The following PTTG1 variants were observed in gnomAD, a reference collection of about 807,000 sequenced individuals.
The protein encoded by PTTG1 is securin.
PTTG1 carries 8 observed loss-of-function variants against 20.0 expected under a neutral mutation model. The observed-to-expected ratio is 0.40, with a 90% CI of 0.23 to 0.72. The LOEUF is 0.72. PTTG1 is among the 30% of genes least tolerant of loss of function. The probability of loss-of-function intolerance (pLI) is 0.38; values close to 1 mark genes in which losing one functional copy is unlikely to be tolerated. For synonymous variants in PTTG1, 79 were observed against 87.2 expected (o/e 0.91, Z 0.52); for missense variants, 197 against 236.0 (o/e 0.83, Z 1.08).
Position 160,422,395 on chromosome 5 carries a change from C to T in PTTG1, c.83C>T (p.Ser28Phe). The change falls in exon 2 of 6, where the codon TCT (serine) becomes TTT (phenylalanine). Residue 28 changes from serine (S) to phenylalanine (F), a missense_variant. Coordinates refer to ENST00000352433, the MANE Select transcript of PTTG1 (RefSeq NM_004219.4). ...VVAKDGLKLG[S>F]GPSIKALDGR... ...GCTAAGGATGGGCTGAAGCTGGGGTCTGGACCTTGTAAGTATACAAGGCTG... is the reference window on the plus strand; with the variant it reads ...GCTAAGGATGGGCTGAAGCTGGGGTTTGGACCTTGTAAGTATACAAGGCTG... The T allele has an allele frequency of 6.2e-7, 1 of 1,613,924 alleles. No homozygotes were observed. The highest frequency in any genetic ancestry group is 1.1e-5 in the South Asian group (1 of 91,072).
At position 160,424,293 on chromosome 5, in the gene PTTG1, TC is replaced by T; in HGVS notation, c.335del (p.Pro112GlnfsTer3). On this transcript the variant is annotated frameshift_variant, in exon 4 of 6. Transcript: ENST00000352433. LOFTEE classifies it high-confidence loss of function. ...SSVPASDDAY[P>X]EIEKFFPFNP... is the part of the protein sequence containing the mutation. Reference sequence around the variant, plus strand: ...CTGTTCCTGCCTCAGATGATGCCTATCCAGAAATAGAAAAATTCTTTCCCTT... The same window carrying T: ...CTGTTCCTGCCTCAGATGATGCCTATCAGAAATAGAAAAATTCTTTCCCTT... 6.2e-7 allele frequency: 1 copy of T among 1,612,504 alleles called. No individual in the cohort carries two copies. Among genetic ancestry groups the T allele is most frequent in the Non-Finnish European group, 8.5e-7 (1 of 1,178,736 alleles).
At chr5:160,422,466 G>A (rs991613385) in intron 2 of PTTG1, 63 bp downstream of exon 2, 229 of 1,422,394 alleles carry the variant, frequency 1.6e-4, no homozygotes, top group Middle Eastern at 1.7e-4. Flanking sequence ...AGCTGGACGA[G>A]ACATTTAGTG....
intron 1 of PTTG1, 65 bp from the exon 2 acceptor site, chr5:160,422,237 G>A (rs1028691504): frequency 1.5e-5 from 18 of 1,179,810 alleles, no homozygotes; most frequent in African/African-American, 1.5e-4. Context: ...AGAAAGTTTG[G>A]TATGTTGCTA....
chr5:160,427,738 G>A lies in PTTG1; in HGVS notation c.394G>A (p.Glu132Lys), dbSNP rs1192844817. 1 of 1,613,996 alleles carries A rather than the reference G, an allele frequency of 6.2e-7. No homozygotes were observed. Among genetic ancestry groups the A allele is most frequent in the Admixed American group, 1.7e-5 (1 of 60,000 alleles). The change falls in exon 5 of 6, where the codon GAA becomes AAA. Residue 132 changes from glutamate (E) to lysine (K), a missense_variant. Transcript: ENST00000352433. ...PLDFESFDLP[E>K]EHQIAHLPLS... ...AGACTTTGAGAGTTTTGACCTGCCT[G>A]AAGAGCACCAGATTGCGCACCTCCC... is the stretch of plus-strand genomic sequence containing the variant.
chr5:160,422,846 A>G lies in PTTG1; in HGVS notation c.229A>G (p.Thr77Ala). 2.5e-6 allele frequency: 4 copies of G among 1,614,188 alleles called. No homozygotes were observed. The South Asian group carries it at 4.4e-5, about 18-fold the overall frequency. The change falls in exon 3 of 6, where the codon ACC becomes GCC. Residue 77 changes from threonine (T) to alanine (A), a missense_variant. Physicochemically the swap from Thr to Ala is moderately conservative, Grantham distance 58. Coordinates refer to ENST00000352433, the MANE Select transcript of PTTG1 (RefSeq NM_004219.4). ...CAGAGCTACAGAAAAGTCTGTAAAG[A>G]CCAAGGGACCCCTCAAACAAAAACA... ...VNRATEKSVK[T>A]KGPLKQKQPS...
chr5:160,426,502 C>T (rs914145150), intron 4 of PTTG1, among the ~76,000 whole-genome samples: 2 of 152,102 alleles, frequency 1.3e-5, no homozygotes, highest in African/African-American at 2.4e-5. Context: ...AATCTGAAAC[C>T]GTATCAATGA....
At chr5:160,427,900 G>T in intron 5 of PTTG1, 27 bp downstream of exon 5, 6 of 1,613,892 alleles carry the variant, frequency 3.7e-6, no homozygotes, top group Non-Finnish European at 5.1e-6. Flanking sequence ...CCTTCTGGAA[G>T]GGCTGCAAAC....
At chr5:160,425,470 A>G (rs1379584856) in intron 4 of PTTG1, among the ~76,000 whole-genome samples, 1 of 152,232 alleles carries the variant, frequency 6.6e-6, no homozygotes, top group Non-Finnish European at 1.5e-5. Flanking sequence ...AATAGTGTAA[A>G]TTGTTAAATC....
intron 3 of PTTG1, 157 bp downstream of exon 3, chr5:160,423,050 G>A: frequency 1.4e-6 from 1 of 729,928 alleles, no homozygotes; most frequent in Non-Finnish European, 2.2e-6. Context: ...TTGTCCTTGT[G>A]GACTTCTTGG....
rs1765726252 is a variant in PTTG1 at position 160,422,311 on chromosome 5, G to C, written c.-2G>C. 3 of 1,612,356 alleles carry C rather than the reference G, an allele frequency of 1.9e-6. No individual in the cohort carries two copies. The highest frequency in any genetic ancestry group is 1.3e-5 in the African/African-American group (1 of 74,824). ...TATTTCTCATTCTTAGAATAATCCA[G>C]AATGGCTACTCTGATCTATGTTGAT... is the stretch of plus-strand genomic sequence containing the variant. On this transcript the variant is annotated 5_prime_UTR_variant, in exon 2 of 6. Transcript: ENST00000352433.
rs541075178 is a variant in PTTG1, at chr5:160,422,615, T to C, written c.92-94T>C. 109 of 1,440,576 alleles carry C rather than the reference T, an allele frequency of 7.6e-5. No individual in the cohort carries two copies. In the East Asian group the frequency reaches 2.5e-3, roughly 33 times the overall value. 89.2% of individuals were successfully genotyped at this position (1,440,576 alleles called of 1,614,324 possible). A position where few individuals can be genotyped will look rare whatever the true frequency, so the allele number is the denominator to read the frequency against. ...GCCACTACCAAAAGTGGGGGGTGGG[T>C]TTGGGGGTGAGAGGTCAAGTTTATA... On this transcript the variant is annotated intron_variant, in intron 2 of 5. Transcript: ENST00000352433.
At chr5:160,424,366 C>T in intron 4 of PTTG1, 36 bp downstream of exon 4, 3 of 1,438,518 alleles carry the variant, frequency 2.1e-6, no homozygotes, top group Non-Finnish European at 2.9e-6. Context: ...GTGCTTTTGG[C>T]CTTTAGTTTC....
chr5:160,424,373 T>C (rs778350016), intron 4 of PTTG1, 43 bp downstream of exon 4: 1 of 1,358,096 alleles, frequency 7.4e-7, no homozygotes, highest in South Asian at 1.2e-5. Context: ...TGGCCTTTAG[T>C]TTCTTAGTAT....
chr5:160,427,646 G>C (rs905112703), intron 4 of PTTG1, 69 bp from the exon 5 acceptor site: 2 of 1,538,420 alleles, frequency 1.3e-6, no homozygotes, highest in South Asian at 2.5e-5. Flanking sequence ...AAGGGTCTCA[G>C]ACCACAAGGG....
In PTTG1 at chr5:160,428,585, A is replaced by G. The variant is rs767270376; in HGVS notation, c.530-17A>G. ...AAGGATTTGCAGAAATTTTAATAAG[A>G]GATTCCTGTTTTCTAGATCTGTTGC... On this transcript the variant is annotated splice_polypyrimidine_tract_variant and intron_variant, in intron 5 of 5. Transcript: ENST00000352433. 5 of 1,609,276 alleles carry G rather than the reference A, an allele frequency of 3.1e-6. No individual in the cohort carries two copies. Among genetic ancestry groups the G allele is most frequent in the South Asian group, 1.1e-5 (1 of 90,874 alleles).
At chr5:160,423,893 T>A (rs113586869) in intron 3 of PTTG1, among the ~76,000 whole-genome samples, 1 of 152,172 alleles carries the variant, frequency 6.6e-6, no homozygotes, top group South Asian at 2.1e-4. Flanking sequence ...AAAATCACAC[T>A]CCTATAAGCC....
At chr5:160,425,880 CG>C (rs1561572484) in intron 4 of PTTG1, among the ~76,000 whole-genome samples, 2 of 152,132 alleles carry the variant, frequency 1.3e-5, no homozygotes, top group East Asian at 3.8e-4. Context: ...TTCACACCTA[CG>C]GACAAAGATA....
chr5:160,427,203 T>A (rs1186488447), intron 4 of PTTG1, among the ~76,000 whole-genome samples: 1 of 152,238 alleles, frequency 6.6e-6, no homozygotes, highest in African/African-American at 2.4e-5. Flanking sequence ...ATGGGATTTC[T>A]TGCAGTTGTT....
intron 4 of PTTG1, chr5:160,424,842 C>T (rs1470024776): frequency 7.2e-5 from 11 of 153,084 alleles, no homozygotes; most frequent in African/African-American, 2.2e-4. Flanking sequence ...GGAGAAGCTA[C>T]TGTGTGTCAG....
Sources: allele counts gnomAD v4.1 joint callset (sites outside exome capture counted in the v4.1 genomes callset), GRCh38; gene constraint gnomAD v4.1.1; transcripts MANE v1.5; gene names NCBI Gene and HGNC (gene_info 2026-07-23, HGNC 2026-07-21).